Variants in CCDC13 observed in about 807,000 individuals in gnomAD.
CCDC13 encodes coiled-coil domain containing 13, also known as coiled-coil domain-containing protein 13.
A neutral mutation model predicts 87.3 loss-of-function variants in CCDC13; 70 were observed. The ratio of observed to expected loss-of-function variants is 0.80; its 90% CI spans 0.66 to 0.98. CCDC13 has a LOEUF of 0.98. Among genes scored for constraint, CCDC13 ranks in the 50% least tolerant of loss-of-function variants. The pLI is 0.00. For synonymous variants in CCDC13, 317 were observed against 360.3 expected, an observed-to-expected ratio of 0.88 and a Z score of 1.36; for missense variants, 842 against 892.0, an observed-to-expected ratio of 0.94 and a Z score of 0.71.
chr3:42,730,468 G>A lies in CCDC13; in HGVS notation c.1717C>T (p.Arg573Trp), dbSNP rs200289473. 459 of 1,612,938 alleles carry A rather than the reference G, an allele frequency of 2.8e-4. No homozygotes were observed. Among genetic ancestry groups the A allele is most frequent in the Non-Finnish European group, 3.8e-4 (443 of 1,179,160 alleles). Reference sequence around the variant, plus strand: ...AGATCCCTGGGTGCCATGTGTTACCGTTTCTGCAGGACAGTGACAAACTCG... The same window carrying A: ...AGATCCCTGGGTGCCATGTGTTACCATTTCTGCAGGACAGTGACAAACTCG... ...LTEFVTVLQK[R>W]VEESNSKLLE... The change falls in exon 13 of 16, where the codon CGG becomes TGG. Residue 573 changes from arginine (R) to tryptophan (W), a missense_variant and splice_region_variant. Physicochemically the swap from Arg to Trp is moderately radical, Grantham distance 101. Transcript: ENST00000310232.
intron 14 of CCDC13, among the ~76,000 whole-genome samples, chr3:42,711,624 C>T (rs1262939877): frequency 6.6e-6 from 1 of 152,200 alleles, no homozygotes; most frequent in African/African-American, 2.4e-5. Context: ...CCTCAGGGAT[C>T]GGCAGGCCAC....
chr3:42,757,003 G>A (rs1391887084), intron 3 of CCDC13, 63 bp downstream of exon 3: 19 of 1,507,904 alleles, frequency 1.3e-5, no homozygotes, highest in Non-Finnish European at 1.7e-5. Flanking sequence ...GGAACCTGCT[G>A]TCTGCCCTAT....
At position 42,751,753 on chromosome 3, in the gene CCDC13, G is replaced by A. The variant is rs114802905; in HGVS notation, c.603+183C>T. On this transcript the variant is annotated intron_variant, in intron 5 of 15. Coordinates refer to ENST00000310232, the MANE Select transcript of CCDC13 (RefSeq NM_144719.4). ...ATTCTTGGCCTCAGGCCATACACTC[G>A]GTACTGTTCTCTGATGTCTGCTCTG... is the stretch of plus-strand genomic sequence containing the variant. Among the ~76,000 whole-genome samples, 1,287 of 152,344 alleles carry A rather than the reference G, an allele frequency of 8.4e-3. 14 individuals carry two copies. The highest frequency in any genetic ancestry group is 0.029 in the African/African-American group (1,212 of 41,570).
chr3:42,770,324 G>C (rs1277450057), intron 1 of CCDC13, among the ~76,000 whole-genome samples: 1 of 152,168 alleles, frequency 6.6e-6, no homozygotes, highest in East Asian at 1.9e-4. Flanking sequence ...TTTATGTCTA[G>C]CTAAGGGATT....
At position 42,733,339 on chromosome 3, in the gene CCDC13, T is replaced by A. The variant is rs189579528; in HGVS notation, c.1511+131A>T. ...GCTAATGTCATAGGAGAGGCCCACG[T>A]ATTGGAAGAACAACAGCATAGTCAT... On this transcript the variant is annotated intron_variant, in intron 11 of 15. Coordinates refer to ENST00000310232, the MANE Select transcript of CCDC13 (RefSeq NM_144719.4). 21 of 1,138,128 alleles carry A rather than the reference T, an allele frequency of 1.8e-5. No individual in the cohort carries two copies. The East Asian group carries it at 4.0e-4, about 22-fold the overall frequency. The allele number at this position is 1,138,128 out of a possible 1,614,324, so 70.5% of individuals were successfully genotyped here. A position where few individuals can be genotyped will look rare whatever the true frequency, so the allele number is the denominator to read the frequency against.
intron 13 of CCDC13, 150 bp from the exon 14 acceptor site, chr3:42,713,466 A>AT: frequency 1.3e-6 from 1 of 741,666 alleles, no homozygotes; most frequent in Non-Finnish European, 2.2e-6. Flanking sequence ...AGGAACATGC[A>AT]TTTAAACACC....
chr3:42,721,007 T>C (rs1321510270), intron 13 of CCDC13, among the ~76,000 whole-genome samples: 1 of 152,218 alleles, frequency 6.6e-6, no homozygotes, highest in African/African-American at 2.4e-5. Flanking sequence ...ACAGTAACAT[T>C]TGGCTTATCG....
intron 14 of CCDC13, 57 bp from the exon 15 acceptor site, chr3:42,709,855 C>A: frequency 7.6e-7 from 1 of 1,311,490 alleles, no homozygotes; most frequent in South Asian, 1.2e-5. Context: ...TGCTAGCACC[C>A]TGCTTCTCCT....
At chr3:42,743,637 A>G (rs1044988652) in intron 7 of CCDC13, among the ~76,000 whole-genome samples, 1 of 146,280 alleles carries the variant, frequency 6.8e-6, no homozygotes, top group Non-Finnish European at 1.5e-5. Flanking sequence ...ATACACACAC[A>G]CACATAAATA....
chr3:42,732,088 C>T (rs1698848817), intron 12 of CCDC13, among the ~76,000 whole-genome samples: 1 of 152,226 alleles, frequency 6.6e-6, no homozygotes, highest in Non-Finnish European at 1.5e-5. Flanking sequence ...GTGACAAGAC[C>T]TCCCACCCTA....
chr3:42,749,245 CG>C (rs2125902336), intron 5 of CCDC13, among the ~76,000 whole-genome samples: 1 of 152,310 alleles, frequency 6.6e-6, no homozygotes, highest in African/African-American at 2.4e-5. Context: ...AGATCTCTAG[CG>C]CCATGAGCCC....
At chr3:42,735,626 G>GC (rs1198216302) in intron 10 of CCDC13, 81 bp downstream of exon 10, 1 of 1,443,846 alleles carries the variant, frequency 6.9e-7, no homozygotes, top group Non-Finnish European at 9.6e-7. Flanking sequence ...CTGAGCTAAG[G>GC]CAAGTGGAAA....
At chr3:42,772,940 C>T (rs1016476090) in intron 1 of CCDC13, among the ~76,000 whole-genome samples, 1 of 152,208 alleles carries the variant, frequency 6.6e-6, no homozygotes, top group Non-Finnish European at 1.5e-5. Flanking sequence ...CTCTGCGCCT[C>T]ATTAACCCAT....
intron 1 of CCDC13, among the ~76,000 whole-genome samples, chr3:42,759,689 A>G (rs1325846525): frequency 6.6e-6 from 1 of 152,216 alleles, no homozygotes; most frequent in Non-Finnish European, 1.5e-5. Flanking sequence ...TTGATTATAC[A>G]TTCACTTGTT....
intron 13 of CCDC13, among the ~76,000 whole-genome samples, chr3:42,727,513 T>C (rs758247229): frequency 2.6e-4 from 40 of 152,282 alleles, no homozygotes; most frequent in Admixed American, 3.3e-4. Context: ...AAGATTGAGA[T>C]ACAAGAAGTA....
chr3:42,730,221 C>T (rs1698789872), intron 13 of CCDC13, among the ~76,000 whole-genome samples: 1 of 152,134 alleles, frequency 6.6e-6, no homozygotes, highest in Non-Finnish European at 1.5e-5. Context: ...AGACTCCCAG[C>T]AATGTCCACA....
At chr3:42,709,489 T>C (rs1430320470) in intron 15 of CCDC13, among the ~76,000 whole-genome samples, 195 bp downstream of exon 15, 1 of 152,196 alleles carries the variant, frequency 6.6e-6, no homozygotes, top group Non-Finnish European at 1.5e-5. Flanking sequence ...CTATGGGTCA[T>C]TGGGGTTTGG....
chr3:42,759,919 A>G (rs1206688363), intron 1 of CCDC13, among the ~76,000 whole-genome samples: 1 of 152,192 alleles, frequency 6.6e-6, no homozygotes. Context: ...TCTTACTAGC[A>G]ATGGGAGTCC....
chr3:42,767,526 T>C (rs530845758), intron 1 of CCDC13, among the ~76,000 whole-genome samples: 1 of 152,324 alleles, frequency 6.6e-6, no homozygotes, highest in South Asian at 2.1e-4. Context: ...GATCTATAGA[T>C]TCAATGCAAT....
Sources: gnomAD v4.1 joint callset for allele counts (sites outside exome capture counted in the v4.1 genomes callset) on GRCh38, gnomAD v4.1.1 for gene constraint, MANE v1.5 for transcripts, NCBI Gene and HGNC (gene_info 2026-07-23, HGNC 2026-07-21) for gene names.